The following EYS variants were observed in gnomAD, a reference collection of about 807,000 sequenced individuals.
EYS encodes EGF-like photoreceptor maintenance factor.
Under a neutral mutation model 282.1 loss-of-function variants are expected in EYS, and 250 were observed. That is an observed-to-expected ratio of 0.89 (90% CI 0.80 to 0.98). EYS has a LOEUF of 0.98. EYS is among the 50% of genes least tolerant of loss of function. The pLI, the probability that EYS is intolerant of heterozygous loss-of-function variation, is 0.00. For missense variants in EYS, 4,016 were observed against 3,709.0 expected (o/e 1.08, Z -2.15); for synonymous variants, 1,355 against 1,282.9 (o/e 1.06, Z -1.20).
intron 2 of EYS, among the ~76,000 whole-genome samples, chr6:65,559,141 G>A (rs1320981316): frequency 6.6e-6 from 1 of 152,136 alleles, no homozygotes; most frequent in Non-Finnish European, 1.5e-5. Flanking sequence ...CTGATGATGT[G>A]GGCAGATCAC....
intron 28 of EYS, among the ~76,000 whole-genome samples, chr6:64,427,361 T>C (rs1309544045): frequency 6.6e-6 from 1 of 152,058 alleles, no homozygotes; most frequent in Non-Finnish European, 1.5e-5. Flanking sequence ...GAATGTCAAC[T>C]TGGGGAGAGA....
At chr6:65,694,274 TA>T (rs200960498) in intron 1 of EYS, among the ~76,000 whole-genome samples, 5 of 147,204 alleles carry the variant, frequency 3.4e-5, no homozygotes, top group Non-Finnish European at 4.5e-5. Flanking sequence ...AAATAAAAAA[TA>T]AAAAAATATA....
At chr6:65,488,316 T>C (rs1472284592) in intron 5 of EYS, among the ~76,000 whole-genome samples, 3 of 152,188 alleles carry the variant, frequency 2.0e-5, no homozygotes, top group Non-Finnish European at 4.4e-5. Flanking sequence ...CATTTAGGGC[T>C]ATAAATTTCC....
chr6:65,042,494 T>A (rs1400534297), intron 13 of EYS, among the ~76,000 whole-genome samples: 3 of 151,496 alleles, frequency 2.0e-5, no homozygotes, highest in African/African-American at 7.3e-5. Context: ...GATATAGCCA[T>A]CCCTTTTTAA....
At chr6:65,680,391 A>T in intron 1 of EYS, among the ~76,000 whole-genome samples, 1 of 151,970 alleles carries the variant, frequency 6.6e-6, no homozygotes, top group Admixed American at 6.6e-5. Flanking sequence ...TAGCAAAAAA[A>T]TTTAATTTTG....
chr6:63,940,401 C>A (rs1582002603), intron 35 of EYS, among the ~76,000 whole-genome samples: 1 of 151,904 alleles, frequency 6.6e-6, no homozygotes. Context: ...CTGCAAAATA[C>A]CTTTTAATCT....
intron 13 of EYS, among the ~76,000 whole-genome samples, chr6:65,049,127 A>C (rs935617648): frequency 1.3e-5 from 2 of 151,910 alleles, no homozygotes; most frequent in African/African-American, 4.8e-5. Flanking sequence ...ATTCAAAAGA[A>C]GAAAAAAATC....
chr6:64,184,134 A>G (rs1359323493), intron 31 of EYS, among the ~76,000 whole-genome samples: 1 of 152,084 alleles, frequency 6.6e-6, no homozygotes, highest in Non-Finnish European at 1.5e-5. Context: ...ATTGTCTTCC[A>G]TGGCAATTAT....
intron 5 of EYS, among the ~76,000 whole-genome samples, chr6:65,469,056 C>A (rs779420990): frequency 1.3e-5 from 2 of 151,990 alleles, no homozygotes; most frequent in Admixed American, 6.6e-5. Flanking sequence ...TAATATATAT[C>A]GTACACTCTT....
Position 63,984,575 on chromosome 6 carries a change from T to A in EYS, c.6863A>T (p.His2288Leu). ...QAYFESMFLGHIPANVQIHKK... is the reference protein window; with the variant it reads ...QAYFESMFLGLIPANVQIHKK... ...ATGAATTTGAACATTTGCAGGAATA[T>A]GGCCAAGGAACATTGATTCAAAATA... The change falls in exon 35 of 43, where the codon CAT (histidine) becomes CTT (leucine). Residue 2288 changes from histidine (H) to leucine (L), a missense_variant. Transcript: ENST00000503581. 6.5e-7 allele frequency: 1 copy of A among 1,549,354 alleles called. No individual in the cohort carries two copies. The highest frequency in any genetic ancestry group is 8.7e-7 in the Non-Finnish European group (1 of 1,145,348).
chr6:65,554,451 C>T (rs1247869086), intron 2 of EYS, among the ~76,000 whole-genome samples: 2 of 151,958 alleles, frequency 1.3e-5, no homozygotes, highest in Admixed American at 6.6e-5. Flanking sequence ...GAAAATATTC[C>T]CTTTTCTTTT....
intron 34 of EYS, among the ~76,000 whole-genome samples, chr6:63,992,682 A>G (rs1242106331): frequency 6.6e-6 from 1 of 151,836 alleles, no homozygotes; most frequent in Non-Finnish European, 1.5e-5. Context: ...ATGTCATTAA[A>G]AAGTCACAAA....
chr6:65,562,120 GA>G (rs1450942361), intron 2 of EYS, among the ~76,000 whole-genome samples: 2 of 151,704 alleles, frequency 1.3e-5, no homozygotes, highest in African/African-American at 4.8e-5. Context: ...GTAAAGACAA[GA>G]AAAAATTAGC....
chr6:64,923,678 G>A (rs1204846228), intron 15 of EYS, among the ~76,000 whole-genome samples: 2 of 152,192 alleles, frequency 1.3e-5, no homozygotes, highest in East Asian at 1.9e-4. Flanking sequence ...AAGTACAGCT[G>A]TTCCAAATGG....
At chr6:64,088,204 C>T (rs775354740) in intron 31 of EYS, among the ~76,000 whole-genome samples, 12 of 152,096 alleles carry the variant, frequency 7.9e-5, no homozygotes, top group South Asian at 2.1e-4. Context: ...AGTGTTTTCC[C>T]GCTGCTTCCA....
At chr6:64,589,333 A>T (rs1766327561) in intron 26 of EYS, among the ~76,000 whole-genome samples, 1 of 152,044 alleles carries the variant, frequency 6.6e-6, no homozygotes, top group Non-Finnish European at 1.5e-5. Flanking sequence ...CGTTGGGGTA[A>T]TATATGAAGC....
chr6:64,742,829 G>A (rs1001114112), intron 22 of EYS, among the ~76,000 whole-genome samples: 3 of 152,142 alleles, frequency 2.0e-5, no homozygotes, highest in African/African-American at 4.8e-5. Context: ...TGCACACAGG[G>A]AGCTTAATCG....
At chr6:64,749,038 G>A (rs1432513837) in intron 22 of EYS, among the ~76,000 whole-genome samples, 1 of 152,230 alleles carries the variant, frequency 6.6e-6, no homozygotes, top group African/African-American at 2.4e-5. Context: ...CTCCCAAAGT[G>A]CTGGGATGAC....
chr6:65,341,475 A>G (rs1770198132), intron 10 of EYS, among the ~76,000 whole-genome samples: 1 of 151,198 alleles, frequency 6.6e-6, no homozygotes, highest in Non-Finnish European at 1.5e-5. Context: ...CATGAACAAG[A>G]TTATTTATTT....
Sources: gnomAD v4.1 joint callset for allele counts (sites outside exome capture counted in the v4.1 genomes callset) on GRCh38, gnomAD v4.1.1 for gene constraint, MANE v1.5 for transcripts, NCBI Gene and HGNC (gene_info 2026-07-23, HGNC 2026-07-21) for gene names.